The following MORF4L1 variants were observed in gnomAD, a reference collection of about 807,000 sequenced individuals.
The protein encoded by MORF4L1 is mortality factor 4-like protein 1.
A neutral mutation model predicts 52.9 loss-of-function variants in MORF4L1; 4 were observed. That is an observed-to-expected ratio of 0.08 (90% CI 0.04 to 0.17). MORF4L1 has a LOEUF of 0.17. MORF4L1 is among the 10% of genes least tolerant of loss of function. The pLI, the probability that MORF4L1 is intolerant of heterozygous loss-of-function variation, is 1.00. For missense variants in MORF4L1, 214 were observed against 390.4 expected (o/e 0.55, Z 3.81); for synonymous variants, 123 against 134.8 (o/e 0.91, Z 0.61).
chr15:78,878,455 A>C (rs1047298247), intron 2 of MORF4L1, among the ~76,000 whole-genome samples, 196 bp downstream of exon 2: 1 of 151,798 alleles, frequency 6.6e-6, no homozygotes, highest in Admixed American at 6.6e-5. Flanking sequence ...AAACATTGCT[A>C]CTCTCTTCCA....
At chr15:78,873,862 G>C (rs761487176) in intron 1 of MORF4L1, 9 of 152,280 alleles carry the variant, frequency 5.9e-5, no homozygotes, top group Non-Finnish European at 1.3e-4. Flanking sequence ...TCGCTTTGCA[G>C]TTGCTCGTAA....
At chr15:78,891,053 C>A in intron 6 of MORF4L1, 39 bp downstream of exon 6, 1 of 1,465,642 alleles carries the variant, frequency 6.8e-7, no homozygotes. Flanking sequence ...TTTATGTTAC[C>A]TCTATGACAT....
chr15:78,888,444 TA>T (rs1177128362), intron 5 of MORF4L1, among the ~76,000 whole-genome samples: 2 of 148,648 alleles, frequency 1.3e-5, no homozygotes, highest in Non-Finnish European at 3.0e-5. Context: ...TCCTGTCTTT[TA>T]AAAAGAAAAA....
chr15:78,896,005 G>A (rs565923539), intron 11 of MORF4L1, among the ~76,000 whole-genome samples: 1 of 152,190 alleles, frequency 6.6e-6, no homozygotes, highest in South Asian at 2.1e-4. Flanking sequence ...TAGAGATGGA[G>A]TCTTGCTCTG....
intron 1 of MORF4L1, among the ~76,000 whole-genome samples, chr15:78,875,590 C>G (rs942636833): frequency 5.9e-5 from 9 of 151,728 alleles, no homozygotes; most frequent in Non-Finnish European, 8.8e-5. Flanking sequence ...CCAGCCTGGT[C>G]AGCCTGGTGA....
intron 2 of MORF4L1, among the ~76,000 whole-genome samples, chr15:78,879,224 C>T (rs1241135718): frequency 1.3e-5 from 2 of 151,906 alleles, no homozygotes; most frequent in Non-Finnish European, 2.9e-5. Flanking sequence ...TTATGCTCCC[C>T]GCCCCGCCCC....
chr15:78,873,167 G>T (rs1214403616), intron 1 of MORF4L1, 110 bp downstream of exon 1: 2 of 1,535,492 alleles, frequency 1.3e-6, no homozygotes, highest in East Asian at 2.5e-5. Flanking sequence ...GCCCTGAGAA[G>T]GCGGCGGTCA....
At position 78,885,459 on chromosome 15, in the gene MORF4L1, G is replaced by A. The variant is rs116582269; in HGVS notation, c.156-682G>A. ...CTGCCTTCTAATATTTAGAAAGCCA[G>A]CTTTCTGATCAGCCTTGAAAGTTAT... On this transcript the variant is annotated intron_variant, in intron 3 of 11. Coordinates refer to ENST00000426013, the MANE Select transcript of MORF4L1 (RefSeq NM_006791.4). Among the ~76,000 whole-genome samples, 1,397 of 152,346 alleles carry A rather than the reference G, an allele frequency of 9.2e-3. 26 individuals are homozygous for A. The highest frequency in any genetic ancestry group is 0.032 in the African/African-American group (1,310 of 41,580).
At chr15:78,885,148 T>C in intron 3 of MORF4L1, 1 of 1,306,174 alleles carries the variant, frequency 7.7e-7, no homozygotes, top group South Asian at 1.3e-5. Flanking sequence ...ATTATTTTCC[T>C]CTTGGCTGTA....
intron 4 of MORF4L1, 111 bp from the exon 5 acceptor site, chr15:78,887,157 TA>T (rs922804866): frequency 4.6e-6 from 4 of 873,610 alleles, no homozygotes; most frequent in Non-Finnish European, 7.3e-6. Flanking sequence ...TCCAACTTGT[TA>T]AAAACTTGTT....
chr15:78,886,046 T>G (rs1480350688), intron 3 of MORF4L1, 95 bp from the exon 4 acceptor site: 8 of 852,462 alleles, frequency 9.4e-6, no homozygotes, highest in Non-Finnish European at 1.6e-5. Context: ...TTCATCAAAT[T>G]ACTTAAGAGA....
intron 3 of MORF4L1, among the ~76,000 whole-genome samples, chr15:78,882,711 A>G (rs2056624449): frequency 6.6e-6 from 1 of 152,134 alleles, no homozygotes; most frequent in Non-Finnish European, 1.5e-5. Flanking sequence ...AAGACCATAT[A>G]GGATATCAAA....
chr15:78,887,300 G>T lies in MORF4L1; in HGVS notation c.274G>T (p.Ala92Ser), dbSNP rs2056722973. The T allele has an allele frequency of 6.2e-7, 1 of 1,611,342 alleles. No individual in the cohort carries two copies. The highest frequency in any genetic ancestry group is 8.5e-7 in the Non-Finnish European group (1 of 1,179,460). The change falls in exon 5 of 12, where the codon GCT becomes TCT. Residue 92 changes from alanine to serine, a missense_variant. By Grantham distance (99) the Ala-to-Ser change is moderately conservative. Transcript: ENST00000426013. ...GTATGCAGAGGGGAAGATGAGAGGG[G>T]CTGCCCCAGGAAAGAAGACATCTGG... is the stretch of plus-strand genomic sequence containing the variant. The part of the protein sequence containing the change: ...EQYAEGKMRG[A>S]APGKKTSGLQ...
At chr15:78,890,920 A>C in intron 5 of MORF4L1, 69 bp from the exon 6 acceptor site, 1 of 1,327,742 alleles carries the variant, frequency 7.5e-7, no homozygotes, top group East Asian at 3.1e-5. Context: ...CTTAACCCTG[A>C]TAAAGGGAGT....
chr15:78,879,249 T>A (rs1235749471), intron 2 of MORF4L1, among the ~76,000 whole-genome samples: 1 of 151,554 alleles, frequency 6.6e-6, no homozygotes, highest in Non-Finnish European at 1.5e-5. Flanking sequence ...CCCAAGACAG[T>A]ATTGCTCTGT....
At chr15:78,888,501 T>C (rs1159052512) in intron 5 of MORF4L1, among the ~76,000 whole-genome samples, 1 of 152,180 alleles carries the variant, frequency 6.6e-6, no homozygotes, top group East Asian at 1.9e-4. Context: ...AGTGGTAACT[T>C]AATAAGTATT....
rs138617145 is a variant in MORF4L1 at position 78,877,900 on chromosome 15, AAACC to A, written c.41-296_41-293del. 6.5e-3 allele frequency: 1,647 copies of A among 252,060 alleles called. 24 individuals carry two copies. The highest frequency in any genetic ancestry group is 0.034 in the African/African-American group (1,523 of 45,214). 15.6% of individuals were successfully genotyped at this position (252,060 alleles called of 1,614,324 possible). A position where few individuals can be genotyped will look rare whatever the true frequency, so the allele number is the denominator to read the frequency against. On this transcript the variant is annotated intron_variant, in intron 1 of 11. Transcript: ENST00000426013. ...AACTGTATTTTCAGATATATAGTTAAAACCAACCAACCAACCAACCTCGACAGCT... is the reference window on the plus strand; with the variant it reads ...AACTGTATTTTCAGATATATAGTTAAAACCAACCAACCAACCTCGACAGCT...
At chr15:78,876,574 G>A (rs1596238458) in intron 1 of MORF4L1, 1 of 455,860 alleles carries the variant, frequency 2.2e-6, no homozygotes. Context: ...TAGCAGCCAA[G>A]GGGAGAAAAA....
chr15:78,882,407 A>G (rs1440661051), intron 3 of MORF4L1, among the ~76,000 whole-genome samples: 1 of 152,232 alleles, frequency 6.6e-6, no homozygotes, highest in Non-Finnish European at 1.5e-5. Context: ...TGTATTTTAA[A>G]TATTGAGAAG....
Sources: gnomAD v4.1 joint callset for allele counts (sites outside exome capture counted in the v4.1 genomes callset) on GRCh38, gnomAD v4.1.1 for gene constraint, MANE v1.5 for transcripts, NCBI Gene and HGNC (gene_info 2026-07-23, HGNC 2026-07-21) for gene names.